FMN2: variants seen among roughly 807,000 people sequenced by gnomAD.
The protein encoded by FMN2 is formin 2.
A neutral mutation model predicts 142.3 loss-of-function variants in FMN2; 51 were observed. That is an observed-to-expected ratio of 0.36 (90% CI 0.29 to 0.45). The LOEUF is 0.45. Among genes scored for constraint, FMN2 ranks in the 20% least tolerant of loss-of-function variants. The pLI, the probability that FMN2 is intolerant of heterozygous loss-of-function variation, is 1.00. For missense variants in FMN2, 1,936 were observed against 2,122.8 expected (o/e 0.91, Z 1.73); for synonymous variants, 882 against 869.8 (o/e 1.01, Z -0.25).
intron 15 of FMN2, among the ~76,000 whole-genome samples, chr1:240,423,201 T>C (rs946826259): frequency 1.3e-5 from 2 of 152,234 alleles, no homozygotes; most frequent in Admixed American, 6.5e-5. Context: ...GGGGATTTAT[T>C]CTTCCTTATT....
At chr1:240,290,357 C>T (rs145068212) in intron 7 of FMN2, among the ~76,000 whole-genome samples, 11 of 152,110 alleles carry the variant, frequency 7.2e-5, no homozygotes, top group East Asian at 1.9e-4. Flanking sequence ...AAGTTCGTAC[C>T]GGAGGAGTTC....
At chr1:240,468,195 A>AATAT (rs149258082) in intron 16 of FMN2, among the ~76,000 whole-genome samples, 28 of 101,968 alleles carry the variant, frequency 2.7e-4, no homozygotes, top group South Asian at 1.1e-3. Context: ...CATCCACTAA[A>AATAT]ATATATATAT....
intron 15 of FMN2, among the ~76,000 whole-genome samples, chr1:240,430,408 A>G (rs947831387): frequency 6.6e-6 from 1 of 152,132 alleles, no homozygotes; most frequent in Non-Finnish European, 1.5e-5. Context: ...CCAACATGTG[A>G]GACTTTATCA....
intron 10 of FMN2, among the ~76,000 whole-genome samples, chr1:240,330,055 T>C (rs1671327027): frequency 6.6e-6 from 1 of 152,220 alleles, no homozygotes; most frequent in South Asian, 2.1e-4. Flanking sequence ...AAGGCTCACA[T>C]TTTCAGAAGA....
chr1:240,297,885 C>A (rs1670046476), intron 8 of FMN2, among the ~76,000 whole-genome samples: 1 of 152,142 alleles, frequency 6.6e-6, no homozygotes, highest in Non-Finnish European at 1.5e-5. Context: ...GGGCCCTCTT[C>A]CAGGTTCACA....
At chr1:240,322,504 C>T (rs1671007420) in intron 8 of FMN2, among the ~76,000 whole-genome samples, 1 of 152,078 alleles carries the variant, frequency 6.6e-6, no homozygotes, top group South Asian at 2.1e-4. Flanking sequence ...AGACGAGAAA[C>T]AGACAGGTGT....
chr1:240,180,229 A>ATT, intron 3 of FMN2: 1 of 1,203,814 alleles, frequency 8.3e-7, no homozygotes, highest in Non-Finnish European at 1.1e-6. Context: ...GTTGATCTAT[A>ATT]AACCCCAGCA....
rs1458670740 is a variant in FMN2, at chr1:240,128,089, G to C, written c.1782+4744G>C. On this transcript the variant is annotated intron_variant, in intron 2 of 17. Transcript: ENST00000319653. ...GAAGACAGCTGCATTTTGGGAGGAG[G>C]ATATAAGGATAGAACTGCTAGCAAG... Among the ~76,000 whole-genome samples the C allele has an allele frequency of 4.6e-5, 7 of 152,158 alleles. No individual in the cohort carries two copies. The East Asian group carries it at 1.3e-3, about 29-fold the overall frequency.
At chr1:240,400,588 G>C (rs562711099) in intron 15 of FMN2, 1 of 152,252 alleles carries the variant, frequency 6.6e-6, no homozygotes, top group Non-Finnish European at 1.5e-5. Context: ...TCAGGCCTTT[G>C]AGGGAATGGT....
intron 6 of FMN2, among the ~76,000 whole-genome samples, chr1:240,217,408 T>C (rs762150273): frequency 2.0e-5 from 3 of 152,208 alleles, no homozygotes; most frequent in Non-Finnish European, 2.9e-5. Context: ...GTTATATTTG[T>C]CTTTTGACCA....
In FMN2 at chr1:240,237,265, G is replaced by A. The variant is rs563683165; in HGVS notation, c.4066-20680G>A. On this transcript the variant is annotated intron_variant, in intron 6 of 17. Transcript: ENST00000319653. ...GTGCGGATAATTAACAGGTATAGTC[G>A]GATAAGTTGCCACCAACTTAGAAAA... Among the ~76,000 whole-genome samples the A allele has an allele frequency of 5.3e-5, 8 of 152,236 alleles. No homozygotes were observed. The South Asian group carries it at 6.2e-4, about 12-fold the overall frequency.
At chr1:240,456,305 A>T (rs944992961) in intron 16 of FMN2, among the ~76,000 whole-genome samples, 4 of 152,202 alleles carry the variant, frequency 2.6e-5, no homozygotes, top group Non-Finnish European at 4.4e-5. Context: ...GGCTATGTAC[A>T]GTCTTTACTC....
intron 4 of FMN2, among the ~76,000 whole-genome samples, chr1:240,194,753 T>C (rs545397629): frequency 1.1e-4 from 17 of 152,324 alleles, no homozygotes; most frequent in Non-Finnish European, 2.2e-4. Context: ...CTTTAGTTGG[T>C]AGAAACTATG....
At chr1:240,303,842 CT>C (rs1670287148) in intron 8 of FMN2, among the ~76,000 whole-genome samples, 1 of 152,044 alleles carries the variant, frequency 6.6e-6, no homozygotes, top group African/African-American at 2.4e-5. Flanking sequence ...GCTGTCTTCA[CT>C]TTTCTTCCAT....
rs35564573 is a variant in FMN2, at chr1:240,189,174, TA to T, written c.1986+924del. Among the ~76,000 whole-genome samples the T allele has an allele frequency of 4.9e-4, 71 of 146,268 alleles. No individual in the cohort carries two copies. The East Asian group carries it at 6.0e-3, about 12-fold the overall frequency. The stretch of plus-strand genomic sequence containing the variant: ...AGCTATGCTAAAATGGATTTCTTAT[TA>T]AAAAAAAAAAACTGCAAGAAAGGAA... On this transcript the variant is annotated intron_variant, in intron 4 of 17. Transcript: ENST00000319653.
chr1:240,127,823 G>A (rs760939927), intron 2 of FMN2, among the ~76,000 whole-genome samples: 1 of 152,156 alleles, frequency 6.6e-6, no homozygotes, highest in African/African-American at 2.4e-5. Context: ...AGGCACAGAA[G>A]TAGAAGCAGG....
intron 14 of FMN2, among the ~76,000 whole-genome samples, chr1:240,367,939 C>G (rs1015997454): frequency 6.6e-6 from 1 of 151,940 alleles, no homozygotes; most frequent in Non-Finnish European, 1.5e-5. Context: ...TTTAATTTTA[C>G]GTCATATGGA....
chr1:240,228,507 T>A (rs1263852646), intron 6 of FMN2, among the ~76,000 whole-genome samples: 1 of 151,870 alleles, frequency 6.6e-6, no homozygotes. Context: ...TGTGCAAGGA[T>A]GGCTATAATC....
In FMN2 at chr1:240,208,586, G is replaced by T. The variant is rs1425461373; in HGVS notation, c.3774G>T (p.Gln1258His). The stretch of plus-strand genomic sequence containing the variant: ...GGAGTAGCACTTTACCAACCCCACA[G>T]GTGTGTGGATTTCTTCCTCCTCCAT... ...QVGSSTLPTP[Q>H]VCGFLPPPLP... Residue 1258 changes from glutamine to histidine, a missense_variant, in exon 5 of 18, where the codon CAG becomes CAT. By Grantham distance (24) the Gln-to-His change is conservative. Transcript: ENST00000319653. 6.2e-7 allele frequency: 1 copy of T among 1,613,646 alleles called. No individual in the cohort carries two copies. Among genetic ancestry groups the T allele is most frequent in the Non-Finnish European group, 8.5e-7 (1 of 1,180,014 alleles).
Sources: allele counts gnomAD v4.1 joint callset (sites outside exome capture counted in the v4.1 genomes callset), GRCh38; gene constraint gnomAD v4.1.1; transcripts MANE v1.5; gene names NCBI Gene and HGNC (gene_info 2026-07-23, HGNC 2026-07-21).